Variants in GPC5 observed in about 807,000 individuals in gnomAD.
GPC5 encodes glypican 5, also known as glypican-5.
In GPC5, 47 loss-of-function variants were observed where a neutral mutation model predicts 53.9. The observed-to-expected ratio is 0.87, with a 90% confidence interval of 0.69 to 1.11. The LOEUF (loss-of-function observed/expected upper bound fraction) is 1.11. GPC5 is among the 50% of genes most tolerant of loss of function. The pLI is 0.00. For synonymous variants in GPC5, 286 were observed against 263.3 expected, an observed-to-expected ratio of 1.09 and a Z score of -0.84; for missense variants, 748 against 713.1, an observed-to-expected ratio of 1.05 and a Z score of -0.56.
chr13:91,798,396 G>A (rs1284908943), intron 5 of GPC5, among the ~76,000 whole-genome samples: 1 of 152,110 alleles, frequency 6.6e-6, no homozygotes, highest in Non-Finnish European at 1.5e-5. Flanking sequence ...ATGTGTCCAT[G>A]TGTTCTCATC....
chr13:91,929,831 C>CT (rs2039805077), intron 6 of GPC5, among the ~76,000 whole-genome samples: 1 of 151,652 alleles, frequency 6.6e-6, no homozygotes, highest in Non-Finnish European at 1.5e-5. Context: ...TTATTTACGA[C>CT]TTTGGAAACA....
Position 91,812,142 on chromosome 13 carries a change from A to G in GPC5, c.1280+55722A>G, listed in dbSNP as rs140997995. ...AAGGTCTGAACTTTCATTGAAGAAA[A>G]TATTTATGAATGCATTAACTAAGAT... On this transcript the variant is annotated intron_variant, in intron 5 of 7. Transcript: ENST00000377067. 9.8e-5 allele frequency among the ~76,000 whole-genome samples: 15 copies of G among 152,340 alleles called. No homozygotes were observed. In the East Asian group the frequency reaches 2.9e-3, roughly 29 times the overall value.
At chr13:91,567,343 T>G (rs116115762) in intron 2 of GPC5, among the ~76,000 whole-genome samples, 1 of 152,168 alleles carries the variant, frequency 6.6e-6, no homozygotes, top group Non-Finnish European at 1.5e-5. Flanking sequence ...TTTGTTTAGA[T>G]GTTCTCTACA....
At position 92,778,793 on chromosome 13, in the gene GPC5, G is replaced by T. The variant is rs191177286; in HGVS notation, c.1562-87489G>T. 2.0e-5 allele frequency among the ~76,000 whole-genome samples: 3 copies of T among 151,896 alleles called. No individual in the cohort carries two copies. In the East Asian group the frequency reaches 5.8e-4, roughly 29 times the overall value. On this transcript the variant is annotated intron_variant, in intron 7 of 7. Coordinates refer to ENST00000377067, the MANE Select transcript of GPC5 (RefSeq NM_004466.6). ...GTGTAGATAGTTCTTCTATCTGTCT[G>T]CATTCATGCAAAATGACAGTGACTA...
chr13:92,408,485 A>AC, intron 7 of GPC5, among the ~76,000 whole-genome samples: 1 of 152,074 alleles, frequency 6.6e-6, no homozygotes, highest in Non-Finnish European at 1.5e-5. Context: ...TATGTTTTAT[A>AC]TATTTAAGTC....
chr13:92,406,580 G>T (rs1352655313), intron 7 of GPC5, among the ~76,000 whole-genome samples: 1 of 152,030 alleles, frequency 6.6e-6, no homozygotes, highest in African/African-American at 2.4e-5. Context: ...AGGATAGGTC[G>T]GTTGGATGGG....
chr13:92,849,174 G>T (rs180788421), intron 7 of GPC5, among the ~76,000 whole-genome samples: 2 of 152,198 alleles, frequency 1.3e-5, no homozygotes, highest in Admixed American at 6.5e-5. Context: ...ACAGCCTAAG[G>T]TCTTCTCCTC....
chr13:92,385,521 T>A (rs1874619477), intron 7 of GPC5, among the ~76,000 whole-genome samples: 1 of 137,588 alleles, frequency 7.3e-6, no homozygotes, highest in African/African-American at 3.0e-5. Flanking sequence ...TATACATACA[T>A]ATGCATATAT....
intron 6 of GPC5, among the ~76,000 whole-genome samples, chr13:92,017,951 A>G (rs1481545902): frequency 6.6e-6 from 1 of 151,832 alleles, no homozygotes; most frequent in Non-Finnish European, 1.5e-5. Flanking sequence ...ACACATACAC[A>G]TGCACGAGTA....
intron 7 of GPC5, among the ~76,000 whole-genome samples, chr13:92,731,054 A>G (rs1888787811): frequency 1.3e-5 from 2 of 151,450 alleles, no homozygotes; most frequent in Admixed American, 1.3e-4. Flanking sequence ...GCCAGCATAT[A>G]GTCTTCAGCT....
At chr13:92,138,545 A>AAAAAAT (rs1182885452) in intron 6 of GPC5, among the ~76,000 whole-genome samples, 2 of 85,394 alleles carry the variant, frequency 2.3e-5, no homozygotes, top group African/African-American at 3.9e-5. Context: ...AAAAAATAAA[A>AAAAAAT]AAAAATAAAA....
At chr13:91,715,967 C>T (rs926493346) in intron 3 of GPC5, among the ~76,000 whole-genome samples, 3 of 151,998 alleles carry the variant, frequency 2.0e-5, no homozygotes, top group African/African-American at 4.8e-5. Context: ...TTTGTAGAGA[C>T]AAGGTCTCAC....
intron 7 of GPC5, among the ~76,000 whole-genome samples, chr13:92,519,224 CAG>C (rs1880925983): frequency 6.6e-6 from 1 of 152,104 alleles, no homozygotes; most frequent in Non-Finnish European, 1.5e-5. Context: ...ATCAATGAGA[CAG>C]AAAGTTAATA....
At chr13:91,818,640 A>G (rs1402321820) in intron 5 of GPC5, among the ~76,000 whole-genome samples, 1 of 152,218 alleles carries the variant, frequency 6.6e-6, no homozygotes. Flanking sequence ...TGATTAAAAG[A>G]CATTCTAGCA....
intron 7 of GPC5, among the ~76,000 whole-genome samples, chr13:92,285,791 G>A (rs1381716056): frequency 2.0e-5 from 3 of 152,096 alleles, no homozygotes; most frequent in Admixed American, 6.5e-5. Flanking sequence ...AAAAACCCTA[G>A]AAGAAAACCT....
At chr13:92,468,183 A>T (rs1878774464) in intron 7 of GPC5, among the ~76,000 whole-genome samples, 1 of 152,112 alleles carries the variant, frequency 6.6e-6, no homozygotes, top group Admixed American at 6.6e-5. Flanking sequence ...TCAATTATGG[A>T]TTTAAGAATT....
chr13:92,596,032 T>C (rs996540280), intron 7 of GPC5, among the ~76,000 whole-genome samples: 22 of 152,288 alleles, frequency 1.4e-4, no homozygotes, highest in African/African-American at 5.3e-4. Context: ...TTCATACTTG[T>C]TTCTAAGTGT....
intron 1 of GPC5, among the ~76,000 whole-genome samples, chr13:91,417,028 T>A (rs188758248): frequency 1.3e-5 from 2 of 152,170 alleles, no homozygotes; most frequent in African/African-American, 4.8e-5. Context: ...CAGAGGCACT[T>A]CTTGAAAAAG....
chr13:92,368,857 A>G (rs2043627961), intron 7 of GPC5, among the ~76,000 whole-genome samples: 1 of 152,072 alleles, frequency 6.6e-6, no homozygotes, highest in African/African-American at 2.4e-5. Context: ...GCATTTTTGT[A>G]GGAAGAATTC....
Sources: allele counts gnomAD v4.1 joint callset (sites outside exome capture counted in the v4.1 genomes callset), GRCh38; gene constraint gnomAD v4.1.1; transcripts MANE v1.5; gene names NCBI Gene and HGNC (gene_info 2026-07-23, HGNC 2026-07-21).